IMMP2L: variants seen among roughly 807,000 people sequenced by gnomAD.
IMMP2L encodes the protein inner mitochondrial membrane peptidase subunit 2.
Under a neutral mutation model 19.3 loss-of-function variants are expected in IMMP2L, and 18 were observed. The observed-to-expected ratio is 0.93, with a 90% CI of 0.64 to 1.38. IMMP2L has a LOEUF of 1.38. Ranked by LOEUF, IMMP2L falls within the 40% of genes most tolerant of loss-of-function variation. IMMP2L has a pLI of 0.00. For missense variants in IMMP2L, 233 were observed against 218.2 expected (o/e 1.07, Z -0.43); for synonymous variants, 76 against 73.0 (o/e 1.04, Z -0.21).
intron 3 of IMMP2L, among the ~76,000 whole-genome samples, chr7:111,201,285 A>C (rs1191913908): frequency 6.6e-6 from 1 of 152,124 alleles, no homozygotes; most frequent in Non-Finnish European, 1.5e-5. Flanking sequence ...AATCCAAAAA[A>C]AAAAAAAACT....
intron 5 of IMMP2L, among the ~76,000 whole-genome samples, chr7:110,747,714 A>G (rs1784057313): frequency 1.3e-5 from 2 of 152,020 alleles, no homozygotes; most frequent in African/African-American, 4.8e-5. Context: ...CATGCTAAAA[A>G]CTCTCGATAA....
At chr7:111,395,474 G>C (rs1326480132) in intron 3 of IMMP2L, among the ~76,000 whole-genome samples, 1 of 152,030 alleles carries the variant, frequency 6.6e-6, no homozygotes, top group Non-Finnish European at 1.5e-5. Context: ...TTTATTTCTT[G>C]TAAATGAATG....
At chr7:110,905,655 C>T (rs972054517) in intron 4 of IMMP2L, among the ~76,000 whole-genome samples, 13 of 152,064 alleles carry the variant, frequency 8.5e-5, no homozygotes, top group African/African-American at 2.4e-4. Context: ...TAAAGTACAT[C>T]GTAGGTTAAT....
intron 5 of IMMP2L, among the ~76,000 whole-genome samples, chr7:110,861,112 A>T (rs1361349865): frequency 5.5e-5 from 7 of 126,454 alleles, no homozygotes; most frequent in Non-Finnish European, 1.0e-4. Context: ...AGAGAGAGAG[A>T]GAGAGAGAGA....
At chr7:111,070,526 A>C (rs1338552242) in intron 3 of IMMP2L, among the ~76,000 whole-genome samples, 1 of 152,178 alleles carries the variant, frequency 6.6e-6, no homozygotes, top group Non-Finnish European at 1.5e-5. Context: ...TTTGACTAAG[A>C]AAATAAGGAA....
At chr7:111,502,046 T>C (rs931229514) in intron 2 of IMMP2L, among the ~76,000 whole-genome samples, 2 of 150,250 alleles carry the variant, frequency 1.3e-5, no homozygotes, top group African/African-American at 2.4e-5. Flanking sequence ...TAAAGAGTCA[T>C]ACATCAGTGT....
intron 3 of IMMP2L, among the ~76,000 whole-genome samples, chr7:111,158,227 T>C (rs752603694): frequency 6.6e-6 from 1 of 151,856 alleles, no homozygotes; most frequent in Non-Finnish European, 1.5e-5. Context: ...TCAAAGAAAA[T>C]ATATTCCAAT....
At chr7:111,211,268 A>T (rs1811279738) in intron 3 of IMMP2L, among the ~76,000 whole-genome samples, 1 of 152,196 alleles carries the variant, frequency 6.6e-6, no homozygotes, top group Admixed American at 6.5e-5. Context: ...GTTAACGTGG[A>T]GGGCATCCTG....
At chr7:111,502,854 C>A (rs575890020) in intron 2 of IMMP2L, among the ~76,000 whole-genome samples, 2 of 149,972 alleles carry the variant, frequency 1.3e-5, no homozygotes, top group African/African-American at 4.9e-5. Flanking sequence ...ACTAAATGCC[C>A]ACAAGAGAAA....
chr7:111,289,673 T>C (rs1355317703), intron 3 of IMMP2L, among the ~76,000 whole-genome samples: 1 of 152,094 alleles, frequency 6.6e-6, no homozygotes, highest in African/African-American at 2.4e-5. Flanking sequence ...AAATAAACTT[T>C]ATACCTACTG....
chr7:110,941,574 T>G (rs1369131682), intron 4 of IMMP2L, among the ~76,000 whole-genome samples: 1 of 152,174 alleles, frequency 6.6e-6, no homozygotes, highest in Non-Finnish European at 1.5e-5. Flanking sequence ...GGATATTTAT[T>G]GTCGAATGAG....
chr7:111,474,888 T>C (rs1376654695), intron 3 of IMMP2L, among the ~76,000 whole-genome samples: 4 of 152,160 alleles, frequency 2.6e-5, no homozygotes, highest in East Asian at 1.9e-4. Context: ...CTTAATTCTA[T>C]GGTAAAATTT....
At chr7:111,093,632 C>T (rs770218256) in intron 3 of IMMP2L, among the ~76,000 whole-genome samples, 1 of 152,124 alleles carries the variant, frequency 6.6e-6, no homozygotes, top group Non-Finnish European at 1.5e-5. Context: ...AGCTCACATA[C>T]ATATTTTGTG....
intron 3 of IMMP2L, among the ~76,000 whole-genome samples, chr7:111,231,081 A>G (rs1813669035): frequency 6.6e-6 from 1 of 151,272 alleles, no homozygotes; most frequent in East Asian, 1.9e-4. Context: ...GAAAGCTTTT[A>G]TAATACTGAA....
intron 3 of IMMP2L, among the ~76,000 whole-genome samples, chr7:111,187,988 T>C (rs1307797530): frequency 6.6e-6 from 1 of 151,844 alleles, no homozygotes; most frequent in African/African-American, 2.4e-5. Context: ...GGCATGGGGA[T>C]AGAGAAGTCC....
chr7:110,694,640 G>C (rs965200426), intron 5 of IMMP2L, among the ~76,000 whole-genome samples: 13 of 152,056 alleles, frequency 8.5e-5, no homozygotes, highest in Non-Finnish European at 1.9e-4. Flanking sequence ...AGAGAAAGAG[G>C]AGGAGAGAGA....
chr7:110,762,718 C>A (rs1382898390), intron 5 of IMMP2L, among the ~76,000 whole-genome samples: 1 of 152,086 alleles, frequency 6.6e-6, no homozygotes, highest in Non-Finnish European at 1.5e-5. Flanking sequence ...ATCTGCTGAA[C>A]TGAGTTAATG....
At chr7:111,241,917 T>C (rs1482036290) in intron 3 of IMMP2L, among the ~76,000 whole-genome samples, 3 of 151,916 alleles carry the variant, frequency 2.0e-5, no homozygotes, top group Non-Finnish European at 4.4e-5. Flanking sequence ...TTGCAGCCTG[T>C]AGCAAAACAT....
At chr7:110,891,835 G>T (rs539069314) in intron 4 of IMMP2L, among the ~76,000 whole-genome samples, 6 of 152,090 alleles carry the variant, frequency 3.9e-5, no homozygotes, top group African/African-American at 1.4e-4. Context: ...CTAAAGAAAT[G>T]GAAAATATTA....
Sources: gnomAD v4.1 joint callset for allele counts (sites outside exome capture counted in the v4.1 genomes callset) on GRCh38, gnomAD v4.1.1 for gene constraint, MANE v1.5 for transcripts, NCBI Gene and HGNC (gene_info 2026-07-23, HGNC 2026-07-21) for gene names.